The following MAN1A1 variants were observed in gnomAD, a reference collection of about 807,000 sequenced individuals.
MAN1A1 encodes the protein mannosyl-oligosaccharide 1,2-alpha-mannosidase IA.
In MAN1A1, 29 loss-of-function variants were observed where a neutral mutation model predicts 70.8. That is an observed-to-expected ratio of 0.41 (90% confidence interval 0.31 to 0.56). The LOEUF (loss-of-function observed/expected upper bound fraction) is 0.56. MAN1A1 is among the 20% of genes least tolerant of loss of function. The pLI is 0.29. For synonymous variants in MAN1A1, 349 were observed against 330.1 expected (o/e 1.06, Z -0.62); for missense variants, 747 against 841.3 (o/e 0.89, Z 1.39).
In MAN1A1 at chr6:119,191,557, T is replaced by A. The variant is rs2299873; in HGVS notation, c.1327-1674A>T. Reference sequence around the variant, plus strand: ...GATAATTGATTAGAAAAAAGAGTACTATATATTTTGTGATTTAATCCTTGT... The same window carrying A: ...GATAATTGATTAGAAAAAAGAGTACAATATATTTTGTGATTTAATCCTTGT... On this transcript the variant is annotated intron_variant, in intron 9 of 12. Coordinates refer to ENST00000368468, the MANE Select transcript of MAN1A1 (RefSeq NM_005907.4). 2.6e-5 allele frequency among the ~76,000 whole-genome samples: 4 copies of A among 151,830 alleles called. No homozygotes were observed. In the South Asian group the frequency reaches 8.3e-4, roughly 31 times the overall value.
intron 5 of MAN1A1, among the ~76,000 whole-genome samples, chr6:119,254,013 G>A (rs1775395210): frequency 6.6e-6 from 1 of 152,132 alleles, no homozygotes; most frequent in South Asian, 2.1e-4. Flanking sequence ...CCTGAGCTCT[G>A]ATGAGGTTAC....
chr6:119,346,706 G>C (rs1403020469), intron 2 of MAN1A1, among the ~76,000 whole-genome samples: 1 of 152,168 alleles, frequency 6.6e-6, no homozygotes, highest in African/African-American at 2.4e-5. Context: ...ATCACTCTTG[G>C]TCAGTACCAA....
intron 2 of MAN1A1, among the ~76,000 whole-genome samples, chr6:119,310,237 A>G (rs1379735056): frequency 6.6e-6 from 1 of 152,208 alleles, no homozygotes; most frequent in East Asian, 1.9e-4. Flanking sequence ...TGCTAGAACT[A>G]CTCTTAGCAA....
chr6:119,345,556 T>C (rs1221746114), intron 2 of MAN1A1, among the ~76,000 whole-genome samples: 2 of 152,220 alleles, frequency 1.3e-5, no homozygotes, highest in East Asian at 1.9e-4. Flanking sequence ...TTCTGTACAA[T>C]GACCTATTTG....
At chr6:119,241,823 T>TA (rs1414893583) in intron 6 of MAN1A1, among the ~76,000 whole-genome samples, 1 of 152,078 alleles carries the variant, frequency 6.6e-6, no homozygotes, top group African/African-American at 2.4e-5. Flanking sequence ...GGGAGGTTTT[T>TA]AAAAAATGCC....
intron 4 of MAN1A1, among the ~76,000 whole-genome samples, chr6:119,291,224 G>A (rs1203892103): frequency 1.3e-5 from 2 of 151,954 alleles, no homozygotes; most frequent in Non-Finnish European, 2.9e-5. Flanking sequence ...CCCTGCACAA[G>A]CTCTTTCTCT....
At chr6:119,329,804 C>T (rs1773259140) in intron 2 of MAN1A1, among the ~76,000 whole-genome samples, 3 of 152,170 alleles carry the variant, frequency 2.0e-5, no homozygotes, top group Admixed American at 6.5e-5. Context: ...AGTCTGTGCC[C>T]TTCCTTAGCT....
intron 4 of MAN1A1, among the ~76,000 whole-genome samples, chr6:119,298,281 G>A (rs1479415821): frequency 6.6e-6 from 1 of 152,090 alleles, no homozygotes; most frequent in Non-Finnish European, 1.5e-5. Flanking sequence ...TTACTCCCCA[G>A]AACATATTAT....
In MAN1A1 at chr6:119,188,589, G is replaced by A; in HGVS notation, c.1547-12C>T. 6.2e-7 allele frequency: 1 copy of A among 1,608,610 alleles called. No homozygotes were observed. Among genetic ancestry groups the A allele is most frequent in the South Asian group, 1.1e-5 (1 of 90,090 alleles). On this transcript the variant is annotated splice_polypyrimidine_tract_variant and intron_variant, in intron 10 of 12. Transcript: ENST00000368468. ...TCCCAGTTTCATAACTAAAGGACAT[G>A]GAATGAATGAATAAGGGTTATTTTC...
intron 5 of MAN1A1, among the ~76,000 whole-genome samples, chr6:119,261,824 A>T (rs1187095594): frequency 6.6e-6 from 1 of 152,188 alleles, no homozygotes; most frequent in African/African-American, 2.4e-5. Context: ...AACATCCTGA[A>T]GGTTATTGTT....
Position 119,189,888 on chromosome 6 carries a change from G to A in MAN1A1, c.1327-5C>T, listed in dbSNP as rs769105898. ...GATCAAATGAGTCTCGATAGCCTGTGAAAAACACTTATTTTTTAACATTTT... is the reference window on the plus strand; with the variant it reads ...GATCAAATGAGTCTCGATAGCCTGTAAAAAACACTTATTTTTTAACATTTT... On this transcript the variant is annotated splice_polypyrimidine_tract_variant and splice_region_variant and intron_variant, in intron 9 of 12. Transcript: ENST00000368468. The A allele has an allele frequency of 2.1e-5, 33 of 1,602,302 alleles. No homozygotes were observed. The highest frequency in any genetic ancestry group is 2.7e-5 in the Non-Finnish European group (32 of 1,170,732).
intron 6 of MAN1A1, among the ~76,000 whole-genome samples, chr6:119,219,953 A>G (rs2114255902): frequency 6.6e-6 from 1 of 152,116 alleles, no homozygotes; most frequent in East Asian, 1.9e-4. Flanking sequence ...TTTTTCCTCA[A>G]AGGAATATCT....
intron 2 of MAN1A1, among the ~76,000 whole-genome samples, chr6:119,308,426 A>G (rs1243701488): frequency 6.6e-6 from 1 of 152,138 alleles, no homozygotes; most frequent in Non-Finnish European, 1.5e-5. Flanking sequence ...AACAGATTTG[A>G]GGGTCACATG....
intron 2 of MAN1A1, among the ~76,000 whole-genome samples, chr6:119,334,453 G>A (rs979381417): frequency 4.6e-5 from 7 of 152,182 alleles, no homozygotes; most frequent in Admixed American, 6.5e-5. Flanking sequence ...AGTGTACCTC[G>A]TATGTTAAGA....
At chr6:119,220,497 T>C (rs920950292) in intron 6 of MAN1A1, among the ~76,000 whole-genome samples, 15 of 152,212 alleles carry the variant, frequency 9.9e-5, no homozygotes, top group African/African-American at 3.1e-4. Flanking sequence ...TAGCCCTTCA[T>C]ACTTATTGGT....
intron 6 of MAN1A1, among the ~76,000 whole-genome samples, chr6:119,226,527 T>C (rs1366731585): frequency 6.6e-6 from 1 of 152,170 alleles, no homozygotes; most frequent in Non-Finnish European, 1.5e-5. Context: ...AAAGATGATA[T>C]TTTAGACACA....
chr6:119,294,050 A>C (rs1772128791), intron 4 of MAN1A1, among the ~76,000 whole-genome samples: 1 of 152,088 alleles, frequency 6.6e-6, no homozygotes, highest in Non-Finnish European at 1.5e-5. Context: ...ACTAAAACCT[A>C]CCTTCCCAGG....
rs1210104319 is a variant in MAN1A1, at chr6:119,177,778, A to G, written c.*2041T>C. ...CAGCTTCTTGTCTATTCACACCAGG[A>G]CACCAAGGTACCTCATAGTGCAGTG... On this transcript the variant is annotated 3_prime_UTR_variant, in exon 13 of 13. Transcript: ENST00000368468. 1 of 152,084 alleles carries G rather than the reference A, an allele frequency of 6.6e-6. No homozygotes were observed. The allele number at this position is 152,084 out of a possible 1,614,324, so 9.4% of individuals were successfully genotyped here.
chr6:119,249,177 G>A (rs1775250704), intron 5 of MAN1A1, among the ~76,000 whole-genome samples: 1 of 152,122 alleles, frequency 6.6e-6, no homozygotes, highest in South Asian at 2.1e-4. Flanking sequence ...AAGGCGGCAA[G>A]TGGGGCCCTA....
Sources: allele counts gnomAD v4.1 joint callset (sites outside exome capture counted in the v4.1 genomes callset), GRCh38; gene constraint gnomAD v4.1.1; transcripts MANE v1.5; gene names NCBI Gene and HGNC (gene_info 2026-07-23, HGNC 2026-07-21).